The following CNTN5 variants were observed in gnomAD, a reference collection of about 807,000 sequenced individuals.
CNTN5 encodes contactin-5.
A neutral mutation model predicts 129.1 loss-of-function variants in CNTN5; 77 were observed. That is an observed-to-expected ratio of 0.60 (90% CI 0.50 to 0.72). The LOEUF (loss-of-function observed/expected upper bound fraction) is 0.72. CNTN5 is among the 30% of genes least tolerant of loss of function. The pLI, the probability that CNTN5 is intolerant of heterozygous loss-of-function variation, is 0.00. For missense variants in CNTN5, 1,478 were observed against 1,328.8 expected (o/e 1.11, Z -1.75); for synonymous variants, 509 against 465.6 (o/e 1.09, Z -1.20).
intron 3 of CNTN5, among the ~76,000 whole-genome samples, chr11:99,560,062 G>T (rs1253806256): frequency 6.6e-6 from 1 of 152,056 alleles, no homozygotes; most frequent in Non-Finnish European, 1.5e-5. Context: ...GGTTGAATGG[G>T]TAAATGAAGC....
At chr11:99,892,486 C>T (rs1285993623) in intron 6 of CNTN5, among the ~76,000 whole-genome samples, 3 of 152,100 alleles carry the variant, frequency 2.0e-5, no homozygotes, top group Admixed American at 1.3e-4. Flanking sequence ...TTTAATCCAT[C>T]GTGAGTTAAT....
At chr11:100,345,620 G>C (rs1170793487) in intron 23 of CNTN5, among the ~76,000 whole-genome samples, 1 of 151,486 alleles carries the variant, frequency 6.6e-6, no homozygotes, top group Non-Finnish European at 1.5e-5. Flanking sequence ...TCTTGTCAGG[G>C]CCTTCAAAGT....
intron 23 of CNTN5, among the ~76,000 whole-genome samples, chr11:100,348,843 C>T (rs962907293): frequency 2.0e-5 from 3 of 151,984 alleles, no homozygotes; most frequent in Admixed American, 6.6e-5. Context: ...AATATATTTC[C>T]CGCTGCAGTG....
chr11:99,738,394 C>T (rs1943778866), intron 3 of CNTN5, among the ~76,000 whole-genome samples: 1 of 152,096 alleles, frequency 6.6e-6, no homozygotes, highest in Non-Finnish European at 1.5e-5. Context: ...AGAAAATAAA[C>T]TTTTATTGTT....
intron 3 of CNTN5, among the ~76,000 whole-genome samples, chr11:99,817,126 A>G (rs1280320353): frequency 6.6e-6 from 1 of 152,090 alleles, no homozygotes; most frequent in African/African-American, 2.4e-5. Context: ...TCCCCACTAG[A>G]TCGTAGCTCC....
intron 1 of CNTN5, among the ~76,000 whole-genome samples, chr11:99,091,769 C>G (rs981857632): frequency 1.3e-5 from 2 of 152,230 alleles, no homozygotes; most frequent in South Asian, 4.1e-4. Flanking sequence ...ACTTGAGCAA[C>G]CTAGTTTTTA....
intron 7 of CNTN5, among the ~76,000 whole-genome samples, chr11:99,938,477 T>C (rs1950363958): frequency 6.6e-6 from 1 of 152,154 alleles, no homozygotes; most frequent in Non-Finnish European, 1.5e-5. Flanking sequence ...CTTAGATCTA[T>C]CTACCCAGGG....
intron 1 of CNTN5, among the ~76,000 whole-genome samples, chr11:99,256,885 ACATATT>A (rs1862399911): frequency 6.6e-6 from 1 of 152,144 alleles, no homozygotes; most frequent in Non-Finnish European, 1.5e-5. Context: ...AATGTTTAGA[ACATATT>A]AAAAAAAGGA....
intron 8 of CNTN5, among the ~76,000 whole-genome samples, chr11:99,985,440 C>A (rs77986296): frequency 2.0e-5 from 3 of 152,114 alleles, no homozygotes; most frequent in African/African-American, 7.2e-5. Flanking sequence ...CCTCTCTATC[C>A]TCTACTGACT....
At position 99,589,197 on chromosome 11, in the gene CNTN5, GC is replaced by G. The variant is rs139838416; in HGVS notation, c.55+32929del. On this transcript the variant is annotated intron_variant, in intron 3 of 24. Transcript: ENST00000524871. ...AATATCTTCTTTAGTAGTGGTAAAT[GC>G]TTTATAAATGCTGTCTGCCTGAATA... 4.4e-3 allele frequency among the ~76,000 whole-genome samples: 666 copies of G among 152,266 alleles called. 26 individuals carry two copies. In the East Asian group the frequency reaches 0.097, roughly 22 times the overall value.
intron 3 of CNTN5, among the ~76,000 whole-genome samples, chr11:99,597,360 G>A (rs552013219): frequency 7.4e-4 from 112 of 152,222 alleles, no homozygotes; most frequent in Non-Finnish European, 1.1e-3. Context: ...TCAGGTTTGA[G>A]TAGTCTCTAG....
intron 1 of CNTN5, among the ~76,000 whole-genome samples, chr11:99,050,919 T>C (rs1381513755): frequency 3.3e-5 from 5 of 151,922 alleles, no homozygotes; most frequent in Non-Finnish European, 4.4e-5. Flanking sequence ...TACTATTATG[T>C]ATGCATATGT....
rs140113674 is a variant in CNTN5, at chr11:100,044,007, G to A, written c.981-17205G>A. On this transcript the variant is annotated intron_variant, in intron 9 of 24. Transcript: ENST00000524871. ...CACCTGAATAATGTACATTGTGCCCGTTAAGTAATTTCTTATCCCTCACCT... is the reference window on the plus strand; with the variant it reads ...CACCTGAATAATGTACATTGTGCCCATTAAGTAATTTCTTATCCCTCACCT... Among the ~76,000 whole-genome samples, 1,209 of 151,760 alleles carry A rather than the reference G, an allele frequency of 8.0e-3. 13 individuals are homozygous for A. Among genetic ancestry groups the A allele is most frequent in the African/African-American group, 0.025 (1,020 of 41,358 alleles).
rs905178705 is a variant in CNTN5, at chr11:99,267,920, G to GCGCGCACA, written c.-209-57425_-209-57424insGCGCACAC. On this transcript the variant is annotated intron_variant, in intron 1 of 24. Transcript: ENST00000524871. ...CTATCAAGTAAACACACACACACACGCACACACACACACACACACACACAC... is the reference window on the plus strand; with the variant it reads ...CTATCAAGTAAACACACACACACACGCGCGCACACACACACACACACACACACACACAC... 3.0e-3 allele frequency among the ~76,000 whole-genome samples: 421 copies of GCGCGCACA among 140,542 alleles called. 1 individual carries two copies. Among genetic ancestry groups the GCGCGCACA allele is most frequent in the Non-Finnish European group, 3.8e-3 (241 of 62,886 alleles). 92.2% of individuals were successfully genotyped at this position (140,542 alleles called of 152,430 possible).
At chr11:99,112,050 T>G (rs11218420) in intron 1 of CNTN5, among the ~76,000 whole-genome samples, 81,371 of 151,832 alleles carry the variant, frequency 0.54, 22,230 homozygotes, top group African/African-American at 0.63. Flanking sequence ...TAAAATAGAT[T>G]AGTACAGTAC....
intron 10 of CNTN5, 116 bp from the exon 11 acceptor site, chr11:100,070,308 T>A: frequency 9.4e-7 from 1 of 1,063,248 alleles, no homozygotes; most frequent in East Asian, 2.6e-5. Context: ...TCAAAATACC[T>A]ATGGTTGAAT....
chr11:99,558,131 C>T (rs1020893064), intron 3 of CNTN5: 6 of 170,826 alleles, frequency 3.5e-5, no homozygotes, highest in African/African-American at 1.4e-4. Context: ...AACTGTGATT[C>T]ATCAATATTA....
chr11:99,829,233 C>G (rs574073122), intron 4 of CNTN5, among the ~76,000 whole-genome samples: 2 of 152,204 alleles, frequency 1.3e-5, no homozygotes, highest in South Asian at 4.1e-4. Flanking sequence ...AGAGGTTAAT[C>G]TCATAATTTG....
chr11:99,495,750 A>G (rs1946201150), intron 2 of CNTN5, among the ~76,000 whole-genome samples: 1 of 152,200 alleles, frequency 6.6e-6, no homozygotes, highest in South Asian at 2.1e-4. Flanking sequence ...GAGTGTTTTA[A>G]TCCAGAAGAG....
Sources: gnomAD v4.1 joint callset for allele counts (sites outside exome capture counted in the v4.1 genomes callset) on GRCh38, gnomAD v4.1.1 for gene constraint, MANE v1.5 for transcripts, NCBI Gene and HGNC (gene_info 2026-07-23, HGNC 2026-07-21) for gene names.